Variants in ABCA4 observed in about 807,000 individuals in gnomAD.
ABCA4 encodes the protein ATP binding cassette subfamily A member 4.
A neutral mutation model predicts 263.7 loss-of-function variants in ABCA4; 196 were observed. The ratio of observed to expected loss-of-function variants is 0.74; its 90% CI spans 0.66 to 0.84. ABCA4 has a LOEUF of 0.84. Among genes scored for constraint, ABCA4 ranks in the 40% least tolerant of loss-of-function variants. ABCA4 has a pLI of 0.00. For synonymous variants in ABCA4, 1,133 were observed against 1,094.2 expected (o/e 1.04, Z -0.70); for missense variants, 2,792 against 2,855.1 (o/e 0.98, Z 0.50).
chr1:94,031,710 T>C, intron 27 of ABCA4, 68 bp downstream of exon 27: 1 of 1,600,846 alleles, frequency 6.2e-7, no homozygotes, highest in South Asian at 1.1e-5. Context: ...GAAGGAACAC[T>C]CAGGAGAGGA....
intron 34 of ABCA4, 76 bp downstream of exon 34, chr1:94,021,564 G>C: frequency 1.3e-6 from 2 of 1,508,278 alleles, no homozygotes; most frequent in East Asian, 2.3e-5. Flanking sequence ...ATTTAATGAA[G>C]GTAGGAAAGT....
In ABCA4 at chr1:94,021,329, CAGGCTGGCCCGT is replaced by C; in HGVS notation, c.4917_4928del (p.Arg1640_Leu1643del). On this transcript the variant is annotated inframe_deletion, in exon 35 of 50. Transcript: ENST00000370225. ...ACTCCTCGGGGCTCCTGTCCTTAGG[CAGGCTGGCCCGT>C]AAGATGGCGTTGTGGGCCACATTGA... 1 of 1,614,182 alleles carries C rather than the reference CAGGCTGGCCCGT, an allele frequency of 6.2e-7. No individual in the cohort carries two copies. Among genetic ancestry groups the C allele is most frequent in the South Asian group, 1.1e-5 (1 of 91,080 alleles).
chr1:94,107,526 G>A (rs889520689), intron 4 of ABCA4, among the ~76,000 whole-genome samples: 3 of 152,138 alleles, frequency 2.0e-5, no homozygotes, highest in African/African-American at 7.2e-5. Context: ...TATTACTTTC[G>A]GATTGTTTCT....
intron 11 of ABCA4, among the ~76,000 whole-genome samples, chr1:94,070,754 G>C (rs983630191): frequency 1.3e-5 from 2 of 152,166 alleles, no homozygotes; most frequent in African/African-American, 4.8e-5. Context: ...CAGTCGAGTG[G>C]GGGAAGGATG....
At chr1:93,996,875 A>G (rs1031705335) in intron 48 of ABCA4, among the ~76,000 whole-genome samples, 1 of 152,234 alleles carries the variant, frequency 6.6e-6, no homozygotes, top group Non-Finnish European at 1.5e-5. Flanking sequence ...AAGTCCTCGC[A>G]TAATAAGCCA....
Position 94,055,121 on chromosome 1 carries a change from CT to C in ABCA4, c.2576del (p.Gln859ArgfsTer42). 4 of 1,614,048 alleles carry C rather than the reference CT, an allele frequency of 2.5e-6. No individual in the cohort carries two copies. Among genetic ancestry groups the C allele is most frequent in the Non-Finnish European group, 3.4e-6 (4 of 1,179,998 alleles). ...GAGGAGGATGCTTACCTGGAAACAC[CT>C]GATCAAGGTACCAAGCGAGTAAGCC... is the stretch of plus-strand genomic sequence containing the variant. ...VYGLLAWYLD[Q>X]VFPGDYGTPL... On this transcript the variant is annotated frameshift_variant, in exon 16 of 50. Transcript: ENST00000370225. LOFTEE classifies it high-confidence loss of function.
intron 18 of ABCA4, among the ~76,000 whole-genome samples, chr1:94,047,302 G>T (rs573358438): frequency 4.6e-5 from 7 of 152,128 alleles, no homozygotes; most frequent in Admixed American, 1.3e-4. Context: ...GCACTGCTTC[G>T]ACTGCTTTAC....
At chr1:94,042,735 C>T in intron 22 of ABCA4, 26 bp downstream of exon 22, 1 of 1,614,106 alleles carries the variant, frequency 6.2e-7, no homozygotes, top group Non-Finnish European at 8.5e-7. Context: ...AGAGCCCAGC[C>T]CAGGAGACTG....
rs886044148 is a variant in ABCA4 at position 94,103,020 on chromosome 1, CT to C, written c.564del (p.Glu189SerfsTer12). On this transcript the variant is annotated frameshift_variant, in exon 5 of 50. Coordinates refer to ENST00000370225, the MANE Select transcript of ABCA4 (RefSeq NM_000350.3). LOFTEE classifies it high-confidence loss of function. ...GGCCAGTGACATCCCCCTACCTGCT[CT>C]GGACGGACTTGAGAGTTGATCAGAA... ...VYLLINSQVR[P>X]EQFAHGVPDL... 6.2e-7 allele frequency: 1 copy of C among 1,614,088 alleles called. No homozygotes were observed. Among genetic ancestry groups the C allele is most frequent in the Non-Finnish European group, 8.5e-7 (1 of 1,180,030 alleles).
At chr1:94,108,962 C>T (rs1418127180) in intron 3 of ABCA4, among the ~76,000 whole-genome samples, 22 of 152,032 alleles carry the variant, frequency 1.4e-4, no homozygotes, top group African/African-American at 4.1e-4. Flanking sequence ...TTAGTAGAGA[C>T]GGGGCTTCAT....
Position 94,019,742 on chromosome 1 carries a change from T to A in ABCA4, c.5036A>T (p.Asp1679Val). ...AATCACGCAGATGGCAACCACAGCATCCACTGAAGTGGTCAGCCTGCAGCA... is the reference window on the plus strand; with the variant it reads ...AATCACGCAGATGGCAACCACAGCAACCACTGAAGTGGTCAGCCTGCAGCA... ...SEITVLTTSV[D>V]AVVAICVIFS... Residue 1679 changes from aspartate to valine, a missense_variant, in exon 36 of 50, where the codon GAT becomes GTT. Asp to Val is a radical substitution (Grantham distance 152). Transcript: ENST00000370225. The A allele has an allele frequency of 6.2e-7, 1 of 1,612,860 alleles. No individual in the cohort carries two copies. Among genetic ancestry groups the A allele is most frequent in the Non-Finnish European group, 8.5e-7 (1 of 1,179,496 alleles).
intron 41 of ABCA4, 151 bp downstream of exon 41, chr1:94,008,600 A>G: frequency 8.9e-7 from 1 of 1,117,556 alleles, no homozygotes; most frequent in Non-Finnish European, 1.4e-6. Context: ...CTCTTGGAAG[A>G]CGAGTTATAA....
At chr1:94,090,411 C>T (rs1306633278) in intron 6 of ABCA4, among the ~76,000 whole-genome samples, 1 of 151,812 alleles carries the variant, frequency 6.6e-6, no homozygotes, top group Non-Finnish European at 1.5e-5. Context: ...TCTGTAAAGC[C>T]TGCAGTCCTT....
chr1:94,045,706 A>G (rs1262835919), intron 19 of ABCA4: 1 of 455,100 alleles, frequency 2.2e-6, no homozygotes, highest in East Asian at 7.0e-5. Flanking sequence ...CAACCACTAG[A>G]GGGAAACAGA....
At chr1:94,014,787 A>G in intron 37 of ABCA4, 97 bp from the exon 38 acceptor site, 1 of 1,513,458 alleles carries the variant, frequency 6.6e-7, no homozygotes, top group Non-Finnish European at 9.1e-7. Context: ...ACCTGAGGTG[A>G]TGTGTGTGAA....
At chr1:94,076,393 C>G (rs1365543640) in intron 11 of ABCA4, among the ~76,000 whole-genome samples, 2 of 152,202 alleles carry the variant, frequency 1.3e-5, no homozygotes, top group Non-Finnish European at 2.9e-5. Flanking sequence ...TGGAAGGACA[C>G]AGGGGTCTCA....
chr1:94,016,721 G>C (rs1404234204), intron 36 of ABCA4, among the ~76,000 whole-genome samples: 2 of 152,186 alleles, frequency 1.3e-5, no homozygotes, highest in Non-Finnish European at 2.9e-5. Context: ...ACTATAGATA[G>C]AGGTGTGTGC....
At chr1:94,082,557 C>T (rs781003987) in intron 7 of ABCA4, among the ~76,000 whole-genome samples, 5 of 152,176 alleles carry the variant, frequency 3.3e-5, no homozygotes, top group East Asian at 1.9e-4. Flanking sequence ...TGTGCATACT[C>T]GGCCCAGGTT....
chr1:94,035,214 T>C (rs1468129790), intron 26 of ABCA4, among the ~76,000 whole-genome samples: 1 of 152,228 alleles, frequency 6.6e-6, no homozygotes, highest in Non-Finnish European at 1.5e-5. Flanking sequence ...TAAAAGGCCC[T>C]AACTCTTGAA....
Sources: gnomAD v4.1 joint callset for allele counts (sites outside exome capture counted in the v4.1 genomes callset) on GRCh38, gnomAD v4.1.1 for gene constraint, MANE v1.5 for transcripts, NCBI Gene and HGNC (gene_info 2026-07-23, HGNC 2026-07-21) for gene names.